The following ESYT1 variants were observed in gnomAD, a reference collection of about 807,000 sequenced individuals.
The protein encoded by ESYT1 is extended synaptotagmin-1.
A neutral mutation model predicts 154.2 loss-of-function variants in ESYT1; 116 were observed. The ratio of observed to expected loss-of-function variants is 0.75; its 90% CI spans 0.65 to 0.88. The LOEUF (loss-of-function observed/expected upper bound fraction) is 0.88, where lower values mean the gene tolerates loss of function less well. Ranked by LOEUF, ESYT1 falls within the 40% of genes least tolerant of loss-of-function variation. The probability of loss-of-function intolerance (pLI) is 0.00; values close to 1 mark genes in which losing one functional copy is unlikely to be tolerated. For missense variants in ESYT1, 1,264 were observed against 1,379.3 expected, an observed-to-expected ratio of 0.92 and a Z score of 1.32; for synonymous variants, 500 against 539.9, an observed-to-expected ratio of 0.93 and a Z score of 1.02.
rs1185125688 is a variant in ESYT1, at chr12:56,143,344, A to C, written c.3225+11A>C. On this transcript the variant is annotated intron_variant, in intron 29 of 30. Transcript: ENST00000394048. ...GAGCTGCTGGGGAAGGTAAGAGGGC[A>C]GGATGGCAGGGCAGAGGTGAGGGCT... The C allele has an allele frequency of 6.2e-7, 1 of 1,612,992 alleles. No homozygotes were observed. The highest frequency in any genetic ancestry group is 8.5e-7 in the Non-Finnish European group (1 of 1,179,252).
At chr12:56,136,208 T>C (rs1870446192) in intron 15 of ESYT1, among the ~76,000 whole-genome samples, 1 of 151,398 alleles carries the variant, frequency 6.6e-6, no homozygotes, top group Non-Finnish European at 1.5e-5. Flanking sequence ...AAGCAAAAAA[T>C]TGGATTTTAA....
At position 56,142,888 on chromosome 12, in the gene ESYT1, AC is replaced by A. The variant is rs745475330; in HGVS notation, c.2943del (p.Tyr982ThrfsTer52). 6.8e-6 allele frequency: 11 copies of A among 1,614,108 alleles called. No homozygotes were observed. Among genetic ancestry groups the A allele is most frequent in the African/African-American group, 6.7e-5 (5 of 74,948 alleles). On this transcript the variant is annotated frameshift_variant, in exon 27 of 31. Coordinates refer to ENST00000394048, the MANE Select transcript of ESYT1 (RefSeq NM_015292.3). LOFTEE classifies it high-confidence loss of function. The surrounding 1 kb of genome is among the most constrained non-coding windows in gnomAD (Gnocchi z 4.1). ...GGCCAGGTGAAACTGACTCTGTGGT[AC>A]TACAGTGAAGAACGAAAGCTGGTCA... ...PLGQVKLTLW[Y>X]YSEERKLVSI...
rs577129606 is a variant in ESYT1, at chr12:56,128,932, C to G, written c.390+223C>G. ...TTTCGCATGCCCAGACTGGATCCTT[C>G]CACAGAATCAGGACTTCTTCCTCTA... is the stretch of plus-strand genomic sequence containing the variant. On this transcript the variant is annotated intron_variant, in intron 1 of 30. Coordinates refer to ENST00000394048, the MANE Select transcript of ESYT1 (RefSeq NM_015292.3). 58 of 581,670 alleles carry G rather than the reference C, an allele frequency of 1.0e-4. No homozygotes were observed. In the East Asian group the frequency reaches 1.7e-3, roughly 17 times the overall value. The allele number at this position is 581,670 out of a possible 1,614,324, so 36.0% of individuals were successfully genotyped here.
At position 56,138,037 on chromosome 12, in the gene ESYT1, G is replaced by T; in HGVS notation, c.2210G>T (p.Arg737Leu). ...KDDFLGRCKV[R>L]LTTVLNSGFL... is the part of the protein sequence containing the mutation. ...TTTCTCTTCAACAGGTGTAAAGTGC[G>T]TCTCACCACAGTCTTAAACAGTGGC... Residue 737 changes from arginine (R) to leucine (L), a missense_variant, in exon 20 of 31, where the codon CGT becomes CTT. Transcript: ENST00000394048. The T allele has an allele frequency of 6.2e-7, 1 of 1,614,144 alleles. No individual in the cohort carries two copies. Among genetic ancestry groups the T allele is most frequent in the Non-Finnish European group, 8.5e-7 (1 of 1,180,024 alleles).
Position 56,133,408 on chromosome 12 carries a change from A to C in ESYT1, c.1245-9A>C. 1 of 1,614,154 alleles carries C rather than the reference A, an allele frequency of 6.2e-7. No homozygotes were observed. The highest frequency in any genetic ancestry group is 8.5e-7 in the Non-Finnish European group (1 of 1,180,032). On this transcript the variant is annotated splice_polypyrimidine_tract_variant and intron_variant, in intron 10 of 30. Coordinates refer to ENST00000394048, the MANE Select transcript of ESYT1 (RefSeq NM_015292.3). ...TCCTTTCACTACCCTCTCCCCCGCC[A>C]ACCCTCAGAATGAAGCTGGATGTAG...
chr12:56,131,400 C>T (rs746928283), intron 5 of ESYT1, 77 bp from the exon 6 acceptor site: 97 of 1,609,742 alleles, frequency 6.0e-5, no homozygotes, highest in Middle Eastern at 1.6e-4. Flanking sequence ...GTTGGAAAGA[C>T]CAAGGCTGAG....
intron 3 of ESYT1, 40 bp from the exon 4 acceptor site, chr12:56,131,000 C>T: frequency 6.2e-7 from 1 of 1,614,132 alleles, no homozygotes; most frequent in African/African-American, 1.3e-5. Context: ...AGGTACTTCT[C>T]CCTATCCCTG....
intron 18 of ESYT1, 45 bp from the exon 19 acceptor site, chr12:56,137,787 A>G: frequency 6.2e-7 from 1 of 1,612,276 alleles, no homozygotes; most frequent in African/African-American, 1.3e-5. Flanking sequence ...TCATTTGCAG[A>G]GGAAAAGGAG....
intron 1 of ESYT1, chr12:56,129,178 C>G (rs1022584938): frequency 1.2e-5 from 2 of 166,636 alleles, no homozygotes; most frequent in South Asian, 1.2e-4. Flanking sequence ...TCTTTTCTCG[C>G]TTTTATCCCC....
chr12:56,131,641 G>A (rs1870240096), intron 6 of ESYT1, 75 bp downstream of exon 6: 20 of 1,602,408 alleles, frequency 1.2e-5, no homozygotes, highest in Admixed American at 3.3e-5. Flanking sequence ...AGCCAGTGAA[G>A]GGGAATGAGA....
Position 56,144,271 on chromosome 12 carries a change from G to A in ESYT1, c.*409G>A, listed in dbSNP as rs1870833761. 13 of 1,072,344 alleles carry A rather than the reference G, an allele frequency of 1.2e-5. No homozygotes were observed. Among genetic ancestry groups the A allele is most frequent in the Non-Finnish European group, 1.4e-5 (12 of 881,524 alleles). The allele number at this position is 1,072,344 out of a possible 1,614,324, so 66.4% of individuals were successfully genotyped here. On this transcript the variant is annotated 3_prime_UTR_variant, in exon 31 of 31. Transcript: ENST00000394048. Reference sequence around the variant, plus strand: ...GTCACCTTCTTCCCTACCACACATGGGTGGGAAGGTGGACAGGCTAACCTC... The same window carrying A: ...GTCACCTTCTTCCCTACCACACATGAGTGGGAAGGTGGACAGGCTAACCTC...
Position 56,143,253 on chromosome 12 carries a change from G to A in ESYT1, c.3145G>A (p.Glu1049Lys). The A allele has an allele frequency of 3.1e-6, 5 of 1,614,184 alleles. No homozygotes were observed. Among genetic ancestry groups the A allele is most frequent in the Non-Finnish European group, 4.2e-6 (5 of 1,180,034 alleles). Residue 1049 changes from glutamate to lysine, a missense_variant, in exon 29 of 31, where the codon GAG becomes AAG. Glu to Lys is a moderately conservative substitution (Grantham distance 56). Transcript: ENST00000394048. The stretch of plus-strand genomic sequence containing the variant: ...GTTTGAGTGGGAACTCCCCCTGGAT[G>A]AGGCCCAGAGACGAAAGCTGGATGT... ...ERFEWELPLD[E>K]AQRRKLDVSV...
At position 56,143,025 on chromosome 12, in the gene ESYT1, G is replaced by A. The variant is rs181946138; in HGVS notation, c.2996G>A (p.Arg999Gln). 63 of 1,614,096 alleles carry A rather than the reference G, an allele frequency of 3.9e-5. No individual in the cohort carries two copies. In the East Asian group the frequency reaches 4.5e-4, roughly 11 times the overall value. ...ACATCCTCCTGTTGTAGGTCCCTTC[G>A]ACAGAATGGACGTGATCCTCCTGAT... ...VSIVHGCRSL[R>Q]QNGRDPPDPY... The change falls in exon 28 of 31, where the codon CGA (arginine) becomes CAA (glutamine). Residue 999 changes from arginine to glutamine, a missense_variant. Coordinates refer to ENST00000394048, the MANE Select transcript of ESYT1 (RefSeq NM_015292.3).
rs1291388382 is a variant in ESYT1 at position 56,131,476 on chromosome 12, G to C, written c.715-1G>C. On this transcript the variant is annotated splice_acceptor_variant, in intron 5 of 30. Coordinates refer to ENST00000394048, the MANE Select transcript of ESYT1 (RefSeq NM_015292.3). LOFTEE classifies it high-confidence loss of function. Reference sequence around the variant, plus strand: ...GCTTTGATTTTCTCTTCTTGCCTCAGCTACATGGCGTTTTGCGGGTGATAC... The same window carrying C: ...GCTTTGATTTTCTCTTCTTGCCTCACCTACATGGCGTTTTGCGGGTGATAC... 3 of 1,614,190 alleles carry C rather than the reference G, an allele frequency of 1.9e-6. No individual in the cohort carries two copies.
rs1870545296 is a variant in ESYT1, at chr12:56,138,270, G to A, written c.2335G>A (p.Glu779Lys). Residue 779 changes from glutamate (E) to lysine (K), a missense_variant and splice_region_variant, in exon 21 of 31, where the codon GAG (glutamate) becomes AAG (lysine). Physicochemically the swap from Glu to Lys is moderately conservative, Grantham distance 56. Transcript: ENST00000394048. ...TPRPTAAELE[E>K]VLQVNSLIQT... The stretch of plus-strand genomic sequence containing the variant: ...CCGTCCCACTGCTGCTGAGTTAGAG[G>A]AGGTAGGGCAGGAGACTTGAGGAAG... The A allele has an allele frequency of 6.2e-7, 1 of 1,614,228 alleles. No homozygotes were observed. Among genetic ancestry groups the A allele is most frequent in the Non-Finnish European group, 8.5e-7 (1 of 1,180,046 alleles).
intron 24 of ESYT1, among the ~76,000 whole-genome samples, chr12:56,140,768 G>A (rs973189263): frequency 2.0e-5 from 3 of 152,210 alleles, no homozygotes; most frequent in African/African-American, 4.8e-5. Flanking sequence ...CTGGGGGCAG[G>A]GAGATCAGTG....
In ESYT1 at chr12:56,138,487, A is replaced by C. The variant is rs751103609; in HGVS notation, c.2421A>C (p.Ala807=). 3.1e-6 allele frequency: 5 copies of C among 1,609,174 alleles called. No individual in the cohort carries two copies. In the Admixed American group the frequency reaches 8.4e-5, roughly 27 times the overall value. ...TGCTATCCATCTATATGGAGCGGGCAGAGGACCTCCCGGTGAGATCCCGCT... is the reference window on the plus strand; with the variant it reads ...TGCTATCCATCTATATGGAGCGGGCCGAGGACCTCCCGGTGAGATCCCGCT... ...AALLSIYMER[A]EDLPLRKGTK... The change falls in exon 22 of 31, where the codon GCA becomes GCC. Residue 807 remains alanine (A), a synonymous_variant. Transcript: ENST00000394048.
rs138457013 is a variant in ESYT1 at position 56,139,010 on chromosome 12, G to C, written c.2589G>C (p.Leu863Phe). 35 of 1,611,882 alleles carry C rather than the reference G, an allele frequency of 2.2e-5. No homozygotes were observed. The highest frequency in any genetic ancestry group is 2.7e-5 in the Non-Finnish European group (32 of 1,178,088). ...AACCACACACTGAGAGCCTAGAGTT[G>C]CAGGTACTGTAAATTCATTCTTCAA... ...IRKPHTESLE[L>F]QVRGEGTGVL... The change falls in exon 24 of 31, where the codon TTG (leucine) becomes TTC (phenylalanine). Residue 863 changes from leucine (L) to phenylalanine (F), a missense_variant. Coordinates refer to ENST00000394048, the MANE Select transcript of ESYT1 (RefSeq NM_015292.3).
At position 56,130,870 on chromosome 12, in the gene ESYT1, G is replaced by A. The variant is rs781318295; in HGVS notation, c.512G>A (p.Gly171Glu). 6.2e-7 allele frequency: 1 copy of A among 1,614,166 alleles called. No homozygotes were observed. Among genetic ancestry groups the A allele is most frequent in the Admixed American group, 1.7e-5 (1 of 60,024 alleles). The change falls in exon 3 of 31, where the codon GGA (glycine) becomes GAA (glutamate). Residue 171 changes from glycine to glutamate, a missense_variant. Transcript: ENST00000394048. ...GAAACTGTGGCTCCGGCTGTTAGGG[G>A]ATCTAACCCCCATCTGCAAACATTT... Reference protein sequence around the residue: ...LAETVAPAVRGSNPHLQTFTF... With the variant: ...LAETVAPAVRESNPHLQTFTF...
Sources: allele counts gnomAD v4.1 joint callset (sites outside exome capture counted in the v4.1 genomes callset), GRCh38; gene constraint gnomAD v4.1.1; non-coding constraint Gnocchi (gnomAD v3.1); transcripts MANE v1.5; gene names NCBI Gene and HGNC (gene_info 2026-07-23, HGNC 2026-07-21).